Variants in CHN2 observed in about 807,000 individuals in gnomAD.
CHN2 encodes the protein beta-chimaerin.
Under a neutral mutation model 56.3 loss-of-function variants are expected in CHN2, and 35 were observed. The ratio of observed to expected loss-of-function variants is 0.62; its 90% CI spans 0.47 to 0.82. The LOEUF (loss-of-function observed/expected upper bound fraction) is 0.82, where lower values mean the gene tolerates loss of function less well. Ranked by LOEUF, CHN2 falls within the 40% of genes least tolerant of loss-of-function variation. The probability of loss-of-function intolerance (pLI) is 0.00; values close to 1 mark genes in which losing one functional copy is unlikely to be tolerated. For missense variants in CHN2, 491 were observed against 580.5 expected (o/e 0.85, Z 1.58); for synonymous variants, 210 against 212.8 (o/e 0.99, Z 0.12).
chr7:29,444,562 C>A (rs191629170), intron 6 of CHN2, among the ~76,000 whole-genome samples: 208 of 152,352 alleles, frequency 1.4e-3, no homozygotes, highest in Non-Finnish European at 2.4e-3. Context: ...CACGTGACTT[C>A]TGTTTCCAGC....
At chr7:29,378,848 C>T (rs1246150927) in intron 3 of CHN2, among the ~76,000 whole-genome samples, 1 of 152,170 alleles carries the variant, frequency 6.6e-6, no homozygotes, top group Non-Finnish European at 1.5e-5. Context: ...GCCTGTAGTA[C>T]CAGCTACTCA....
chr7:29,358,728 T>A (rs992151754), intron 2 of CHN2, among the ~76,000 whole-genome samples: 3 of 152,170 alleles, frequency 2.0e-5, no homozygotes, highest in Admixed American at 2.0e-4. Flanking sequence ...CCTCCCAAAG[T>A]GCTGGGATTA....
At chr7:29,341,748 A>G (rs1039032956) in intron 1 of CHN2, among the ~76,000 whole-genome samples, 2 of 152,238 alleles carry the variant, frequency 1.3e-5, no homozygotes, top group Non-Finnish European at 2.9e-5. Context: ...ACCATGTTCT[A>G]TCATTGAAGC....
chr7:29,260,791 G>A (rs543656994), intron 1 of CHN2, among the ~76,000 whole-genome samples: 1 of 152,276 alleles, frequency 6.6e-6, no homozygotes, highest in South Asian at 2.1e-4. Flanking sequence ...TGTTTTATGA[G>A]GTGGTGTCTG....
At chr7:29,149,714 C>T (rs948670503) in intron 2 of CHN2, among the ~76,000 whole-genome samples, 2 of 152,176 alleles carry the variant, frequency 1.3e-5, no homozygotes, top group African/African-American at 4.8e-5. Flanking sequence ...AGGATCCTTC[C>T]TCGCTGCTTC....
intron 1 of CHN2, among the ~76,000 whole-genome samples, chr7:29,297,518 C>T (rs573973847): frequency 6.6e-6 from 1 of 152,166 alleles, no homozygotes; most frequent in East Asian, 1.9e-4. Flanking sequence ...AGTTTGATGG[C>T]CTGAAGTTGA....
In CHN2 at chr7:29,480,361, G is replaced by C; in HGVS notation, c.654+5G>C. 6.2e-7 allele frequency: 1 copy of C among 1,613,460 alleles called. No homozygotes were observed. Among genetic ancestry groups the C allele is most frequent in the Non-Finnish European group, 8.5e-7 (1 of 1,179,370 alleles). ...GAGAAGACACACAACTTTAAGGTAA[G>C]CAAGCCTCTGCATTCCTTCTTCTGT... On this transcript the variant is annotated splice_donor_5th_base_variant and intron_variant, in intron 7 of 12. Coordinates refer to ENST00000222792, the MANE Select transcript of CHN2 (RefSeq NM_004067.4).
intron 1 of CHN2, among the ~76,000 whole-genome samples, chr7:29,204,068 TGTGTGTGTGTG>T (rs1562828346): frequency 0.019 from 246 of 13,014 alleles, 4 homozygotes; most frequent in African/African-American, 0.08. Flanking sequence ...TCTCTCTCTC[TGTGTGTGTGTG>T]TGTGTGTGTG....
At chr7:29,342,942 A>G (rs1797155213) in intron 1 of CHN2, among the ~76,000 whole-genome samples, 3 of 152,192 alleles carry the variant, frequency 2.0e-5, no homozygotes, top group Admixed American at 2.0e-4. Flanking sequence ...TCTTGCCTTT[A>G]TATCTGCACC....
At chr7:29,322,830 A>G (rs1401964347) in intron 1 of CHN2, among the ~76,000 whole-genome samples, 1 of 152,174 alleles carries the variant, frequency 6.6e-6, no homozygotes, top group Non-Finnish European at 1.5e-5. Context: ...GTAATGGGGA[A>G]CGACCTACCT....
At chr7:29,253,765 CTATT>C (rs1313363470) in intron 1 of CHN2, among the ~76,000 whole-genome samples, 2 of 152,206 alleles carry the variant, frequency 1.3e-5, no homozygotes, top group Admixed American at 1.3e-4. Context: ...CATGGGCAAG[CTATT>C]TATCCTCTCT....
intron 6 of CHN2, among the ~76,000 whole-genome samples, chr7:29,420,541 T>C (rs1326862419): frequency 1.3e-5 from 2 of 152,212 alleles, no homozygotes; most frequent in Non-Finnish European, 2.9e-5. Flanking sequence ...TGTCTAAGAA[T>C]CTTTGTTTAT....
chr7:29,432,231 A>C (rs551790518), intron 6 of CHN2, among the ~76,000 whole-genome samples: 1 of 152,262 alleles, frequency 6.6e-6, no homozygotes, highest in South Asian at 2.1e-4. Context: ...TTCCGTAGCT[A>C]TTCCTACGGT....
At chr7:29,240,718 G>C (rs981344555) in intron 1 of CHN2, among the ~76,000 whole-genome samples, 2 of 152,084 alleles carry the variant, frequency 1.3e-5, no homozygotes, top group Non-Finnish European at 2.9e-5. Flanking sequence ...GGTGGGGGGC[G>C]GTGGGGAGTG....
chr7:29,263,003 TTCTCCCC>T (rs940394104), intron 1 of CHN2, among the ~76,000 whole-genome samples: 17 of 152,266 alleles, frequency 1.1e-4, no homozygotes, highest in Admixed American at 3.3e-4. Flanking sequence ...TAAGAATCCC[TTCTCCCC>T]TCTCCCCTCT....
chr7:29,236,687 T>A (rs1232785532), intron 1 of CHN2, among the ~76,000 whole-genome samples: 1 of 152,244 alleles, frequency 6.6e-6, no homozygotes, highest in Non-Finnish European at 1.5e-5. Context: ...TAATACAAAG[T>A]TACCAGCTTG....
At chr7:29,356,347 T>G (rs1418681773) in intron 2 of CHN2, among the ~76,000 whole-genome samples, 1 of 152,202 alleles carries the variant, frequency 6.6e-6, no homozygotes, top group Non-Finnish European at 1.5e-5. Context: ...AATATGAATG[T>G]ACGTATTTGT....
intron 6 of CHN2, among the ~76,000 whole-genome samples, chr7:29,437,540 G>A: frequency 1.2e-5 from 1 of 84,882 alleles, no homozygotes; most frequent in East Asian, 2.3e-4. Context: ...GGAGCTTGCA[G>A]TGAGCCGAGA....
intron 6 of CHN2, among the ~76,000 whole-genome samples, chr7:29,444,404 G>A (rs1004688830): frequency 6.6e-6 from 1 of 152,126 alleles, no homozygotes; most frequent in African/African-American, 2.4e-5. Context: ...ACATGGTTTT[G>A]TCTGGGGCAT....
Sources: gnomAD v4.1 joint callset for allele counts (sites outside exome capture counted in the v4.1 genomes callset) on GRCh38, gnomAD v4.1.1 for gene constraint, MANE v1.5 for transcripts, NCBI Gene and HGNC (gene_info 2026-07-23, HGNC 2026-07-21) for gene names.